Variants in ARHGEF28 observed in about 807,000 individuals in gnomAD.
ARHGEF28 encodes Rho guanine nucleotide exchange factor 28, also known as 190 kDa guanine nucleotide exchange factor.
A neutral mutation model predicts 206.6 loss-of-function variants in ARHGEF28; 152 were observed. The observed-to-expected ratio is 0.74, with a 90% confidence interval of 0.64 to 0.84. The LOEUF is 0.84. Ranked by LOEUF, ARHGEF28 falls within the 40% of genes least tolerant of loss-of-function variation. The pLI is 0.00. For synonymous variants in ARHGEF28, 763 were observed against 776.4 expected (o/e 0.98, Z 0.29); for missense variants, 2,028 against 2,073.2 (o/e 0.98, Z 0.42).
intron 9 of ARHGEF28, among the ~76,000 whole-genome samples, chr5:73,805,088 A>G (rs1287704705): frequency 6.6e-6 from 1 of 152,202 alleles, no homozygotes; most frequent in African/African-American, 2.4e-5. Context: ...ACTTTGGGTA[A>G]TAATCAAATA....
At chr5:73,633,579 T>A (rs1443635380) in intron 1 of ARHGEF28, among the ~76,000 whole-genome samples, 3 of 143,926 alleles carry the variant, frequency 2.1e-5, no homozygotes, top group Admixed American at 2.1e-4. Context: ...AATTTTTTTT[T>A]TTTTTTTTTT....
intron 1 of ARHGEF28, among the ~76,000 whole-genome samples, chr5:73,659,069 A>G (rs1471705285): frequency 6.6e-6 from 1 of 151,332 alleles, no homozygotes; most frequent in Admixed American, 6.6e-5. Flanking sequence ...GCTTGCCCCA[A>G]ACTCTGTATA....
chr5:73,710,993 C>T (rs55808557), intron 2 of ARHGEF28, among the ~76,000 whole-genome samples: 33,804 of 152,106 alleles, frequency 0.22, 4,002 homozygotes, highest in African/African-American at 0.26. Flanking sequence ...CACGAGCCAC[C>T]GCTGTCGGCC....
intron 1 of ARHGEF28, among the ~76,000 whole-genome samples, chr5:73,646,262 T>G (rs887221270): frequency 6.6e-6 from 1 of 152,214 alleles, no homozygotes; most frequent in Non-Finnish European, 1.5e-5. Flanking sequence ...GATTATATAG[T>G]GTCTGGATTG....
intron 13 of ARHGEF28, among the ~76,000 whole-genome samples, chr5:73,851,878 T>C (rs182979672): frequency 1.4e-4 from 22 of 152,350 alleles, no homozygotes; most frequent in Non-Finnish European, 2.4e-4. Flanking sequence ...TTCCTCCTTA[T>C]GTATCATTTC....
At chr5:73,781,058 T>C (rs911259061) in intron 7 of ARHGEF28, among the ~76,000 whole-genome samples, 6 of 152,226 alleles carry the variant, frequency 3.9e-5, no homozygotes, top group African/African-American at 2.4e-5. Context: ...AGCTTGTTCA[T>C]TCATTGAGTC....
intron 10 of ARHGEF28, among the ~76,000 whole-genome samples, chr5:73,837,218 A>G (rs1757699811): frequency 6.6e-6 from 1 of 151,958 alleles, no homozygotes; most frequent in Non-Finnish European, 1.5e-5. Flanking sequence ...TATAATTTTG[A>G]TAGAGATTAA....
chr5:73,706,571 G>A (rs891890482), intron 2 of ARHGEF28, among the ~76,000 whole-genome samples: 1 of 152,200 alleles, frequency 6.6e-6, no homozygotes, highest in Admixed American at 6.5e-5. Flanking sequence ...TGGATACTGT[G>A]TCTGGCACAG....
chr5:73,784,762 A>C (rs897895105), intron 7 of ARHGEF28, among the ~76,000 whole-genome samples: 1 of 152,228 alleles, frequency 6.6e-6, no homozygotes, highest in Non-Finnish European at 1.5e-5. Flanking sequence ...CCTATGATAA[A>C]GTTTAATTTA....
intron 5 of ARHGEF28, among the ~76,000 whole-genome samples, chr5:73,776,239 T>C (rs1753534056): frequency 6.6e-6 from 1 of 152,228 alleles, no homozygotes; most frequent in Non-Finnish European, 1.5e-5. Context: ...TAAAGTACTA[T>C]GTTTAAAATT....
chr5:73,729,891 T>C (rs1269137678), intron 2 of ARHGEF28, among the ~76,000 whole-genome samples: 1 of 152,202 alleles, frequency 6.6e-6, no homozygotes, highest in Non-Finnish European at 1.5e-5. Flanking sequence ...AAGGAGTAGA[T>C]AGTAGATAGG....
At chr5:73,873,862 A>G (rs1275206744) in intron 22 of ARHGEF28, among the ~76,000 whole-genome samples, 1 of 152,158 alleles carries the variant, frequency 6.6e-6, no homozygotes, top group African/African-American at 2.4e-5. Flanking sequence ...TGCAAACCTA[A>G]GCTTTCATTT....
intron 1 of ARHGEF28, among the ~76,000 whole-genome samples, chr5:73,634,040 T>C (rs1269222000): frequency 1.3e-5 from 2 of 152,236 alleles, no homozygotes; most frequent in Non-Finnish European, 2.9e-5. Context: ...CTTTCTTGAA[T>C]TTATTTTCCT....
intron 2 of ARHGEF28, among the ~76,000 whole-genome samples, chr5:73,739,179 G>A (rs1428519287): frequency 6.6e-6 from 1 of 151,838 alleles, no homozygotes; most frequent in African/African-American, 2.4e-5. Flanking sequence ...ATGTAATCTT[G>A]ATAAAACTTT....
intron 1 of ARHGEF28, among the ~76,000 whole-genome samples, chr5:73,679,851 G>A (rs985396546): frequency 6.6e-5 from 10 of 152,086 alleles, no homozygotes; most frequent in African/African-American, 2.4e-4. Context: ...TAACCAGCAC[G>A]TCTCAATGTA....
intron 1 of ARHGEF28, among the ~76,000 whole-genome samples, chr5:73,682,704 G>A (rs796124119): frequency 2.0e-5 from 3 of 151,942 alleles, no homozygotes; most frequent in African/African-American, 7.2e-5. Context: ...GAGCCACCAT[G>A]CCCAGCCCCA....
At chr5:73,791,371 G>A (rs1284454548) in intron 7 of ARHGEF28, among the ~76,000 whole-genome samples, 1 of 152,206 alleles carries the variant, frequency 6.6e-6, no homozygotes, top group African/African-American at 2.4e-5. Flanking sequence ...GACATTTGTG[G>A]GGGCAGGCAG....
chr5:73,768,474 A>T (rs1017117581), intron 4 of ARHGEF28, among the ~76,000 whole-genome samples: 4 of 152,128 alleles, frequency 2.6e-5, no homozygotes, highest in Admixed American at 2.0e-4. Flanking sequence ...GTCAAAGGAG[A>T]TCATTTTTGG....
At chr5:73,682,419 T>A (rs927918066) in intron 1 of ARHGEF28, among the ~76,000 whole-genome samples, 8 of 79,104 alleles carry the variant, frequency 1.0e-4, no homozygotes, top group African/African-American at 3.5e-4. Flanking sequence ...CAATTCATTC[T>A]TTTTTTTTTT....
Sources: gnomAD v4.1 joint callset for allele counts (sites outside exome capture counted in the v4.1 genomes callset) on GRCh38, gnomAD v4.1.1 for gene constraint, MANE v1.5 for transcripts, NCBI Gene and HGNC (gene_info 2026-07-23, HGNC 2026-07-21) for gene names.